ACP3: variants seen among roughly 807,000 people sequenced by gnomAD.
ACP3 encodes prostatic acid phosphatase.
ACP3 carries 38 observed loss-of-function variants against 45.6 expected under a neutral mutation model. The ratio of observed to expected loss-of-function variants is 0.83; its 90% CI spans 0.64 to 1.09. ACP3 has a LOEUF of 1.09. Ranked by LOEUF, ACP3 falls within the 50% of genes least tolerant of loss-of-function variation. ACP3 has a pLI of 0.00. For synonymous variants in ACP3, 162 were observed against 164.7 expected (o/e 0.98, Z 0.13); for missense variants, 466 against 463.2 (o/e 1.01, Z -0.05).
At position 132,328,433 on chromosome 3, in the gene ACP3, C is replaced by T. The variant is rs1041836314; in HGVS notation, c.216+71C>T. The T allele has an allele frequency of 1.2e-5, 16 of 1,324,574 alleles. No homozygotes were observed. The South Asian group carries it at 1.8e-4, about 15-fold the overall frequency. The allele number at this position is 1,324,574 out of a possible 1,614,324, so 82.1% of individuals were successfully genotyped here. A position where few individuals can be genotyped will look rare whatever the true frequency, so the allele number is the denominator to read the frequency against. On this transcript the variant is annotated intron_variant, in intron 2 of 9. Coordinates refer to ENST00000336375, the MANE Select transcript of ACP3 (RefSeq NM_001099.5). ...GTGGCTCACGCCTGTAATCCCAGCA[C>T]TTTGGGAGGCCGAGGCAGGCGGATC...
intron 1 of ACP3, among the ~76,000 whole-genome samples, chr3:132,327,002 G>T (rs1937308916): frequency 6.6e-6 from 1 of 152,188 alleles, no homozygotes; most frequent in Non-Finnish European, 1.5e-5. Flanking sequence ...AAAGCACCAA[G>T]ATTTCAAAAG....
At chr3:132,324,309 C>G (rs1347975827) in intron 1 of ACP3, among the ~76,000 whole-genome samples, 2 of 152,144 alleles carry the variant, frequency 1.3e-5, no homozygotes, top group Non-Finnish European at 2.9e-5. Context: ...TCTCCACACC[C>G]TAAGCCACAT....
In ACP3 at chr3:132,342,637, A is replaced by G. The variant is rs1413468786; in HGVS notation, c.641A>G (p.Tyr214Cys). ...GIWSKVYDPL[Y>C]CESVHNFTLP... ...TGGAGTAAAGTCTACGACCCTTTAT[A>G]TTGTGAGGTAAAAGAAAAAAAAATC... is the stretch of plus-strand genomic sequence containing the variant. Residue 214 changes from tyrosine to cysteine, a missense_variant, in exon 6 of 10, where the codon TAT (tyrosine) becomes TGT (cysteine). Tyr to Cys is a radical substitution (Grantham distance 194, BLOSUM62 -2). Coordinates refer to ENST00000336375, the MANE Select transcript of ACP3 (RefSeq NM_001099.5). The G allele has an allele frequency of 6.3e-7, 1 of 1,587,632 alleles. No individual in the cohort carries two copies. Among genetic ancestry groups the G allele is most frequent in the Non-Finnish European group, 8.5e-7 (1 of 1,169,788 alleles).
At chr3:132,352,232 G>A (rs758290685) in intron 8 of ACP3, among the ~76,000 whole-genome samples, 6 of 151,732 alleles carry the variant, frequency 4.0e-5, no homozygotes, top group South Asian at 2.1e-4. Context: ...ATGGAGTCCC[G>A]CTCTGTCACC....
At chr3:132,319,216 A>G (rs1937161270) in intron 1 of ACP3, among the ~76,000 whole-genome samples, 1 of 152,180 alleles carries the variant, frequency 6.6e-6, no homozygotes, top group Admixed American at 6.5e-5. Context: ...AAGCCAATAA[A>G]CATCAGTTTC....
At chr3:132,364,353 A>C (rs998625171) in intron 10 of ACP3, among the ~76,000 whole-genome samples, 2 of 150,340 alleles carry the variant, frequency 1.3e-5, no homozygotes, top group African/African-American at 5.0e-5. Context: ...ATCTCAAAAA[A>C]CAAAAACAAA....
At chr3:132,317,831 T>G (rs1937137870) in intron 1 of ACP3, among the ~76,000 whole-genome samples, 1 of 152,262 alleles carries the variant, frequency 6.6e-6, no homozygotes, top group Admixed American at 6.5e-5. Context: ...ATTTATTTAC[T>G]TACTTTACAA....
intron 9 of ACP3, among the ~76,000 whole-genome samples, chr3:132,353,295 A>T (rs999526659): frequency 2.6e-5 from 4 of 152,198 alleles, no homozygotes; most frequent in Non-Finnish European, 5.9e-5. Flanking sequence ...AGATGACCAC[A>T]GCTTAGCTTG....
downstream of ACP3, among the ~76,000 whole-genome samples, chr3:132,361,381 A>G (rs73215949): frequency 0.12 from 18,825 of 151,932 alleles, 1,383 homozygotes; most frequent in Non-Finnish European, 0.18. Flanking sequence ...GCTCCGATTC[A>G]CTCCTCACTC....
chr3:132,336,916 A>C (rs1166339309), intron 4 of ACP3, among the ~76,000 whole-genome samples: 1 of 152,226 alleles, frequency 6.6e-6, no homozygotes, highest in Non-Finnish European at 1.5e-5. Context: ...TTGTCCTCAC[A>C]ACAGGTTTTT....
chr3:132,360,612 A>C (rs896656747), downstream of ACP3, among the ~76,000 whole-genome samples: 3 of 152,210 alleles, frequency 2.0e-5, no homozygotes, highest in African/African-American at 7.2e-5. Context: ...GAAAATAATA[A>C]AATTTGTCAA....
intron 5 of ACP3, among the ~76,000 whole-genome samples, chr3:132,338,427 G>A (rs887332120): frequency 2.6e-5 from 4 of 151,636 alleles, no homozygotes; most frequent in Non-Finnish European, 4.4e-5. Flanking sequence ...AGCCCCTATT[G>A]ATAGGAATAT....
chr3:132,327,879 T>C (rs1422662277), intron 1 of ACP3, among the ~76,000 whole-genome samples: 1 of 152,214 alleles, frequency 6.6e-6, no homozygotes, highest in Non-Finnish European at 1.5e-5. Context: ...AAAGTACTCT[T>C]GTCAGCTTTG....
chr3:132,352,673 T>C, intron 8 of ACP3, 47 bp from the exon 9 acceptor site: 3 of 1,341,830 alleles, frequency 2.2e-6, no homozygotes, highest in South Asian at 2.3e-5. Context: ...TCATACCTAT[T>C]GAATGTGAAT....
intron 4 of ACP3, among the ~76,000 whole-genome samples, chr3:132,334,484 T>G (rs1420580558): frequency 6.6e-6 from 1 of 152,184 alleles, no homozygotes; most frequent in African/African-American, 2.4e-5. Flanking sequence ...CATTATAAGA[T>G]GGCGGGCAAT....
chr3:132,346,937 A>G (rs17831335), intron 7 of ACP3, among the ~76,000 whole-genome samples: 72,884 of 152,094 alleles, frequency 0.48, 18,329 homozygotes, highest in Middle Eastern at 0.66. Flanking sequence ...TATACCAGAC[A>G]GGAGTTGACA....
intron 5 of ACP3, 39 bp from the exon 6 acceptor site, chr3:132,342,513 A>T: frequency 7.1e-7 from 1 of 1,400,794 alleles, no homozygotes; most frequent in Non-Finnish European, 1.0e-6. Context: ...AAGCTGAGAA[A>T]CCTGTGTAGG....
At chr3:132,359,505 C>CTAAA (rs151183478), downstream of ACP3, among the ~76,000 whole-genome samples, 492 of 151,472 alleles carry the variant, frequency 3.2e-3, 4 homozygotes, top group African/African-American at 0.01. Flanking sequence ...GAGACTCTGT[C>CTAAA]TAAATAAATA....
intron 8 of ACP3, 51 bp from the exon 9 acceptor site, chr3:132,352,669 C>G: frequency 7.9e-7 from 1 of 1,272,178 alleles, no homozygotes; most frequent in South Asian, 1.2e-5. Context: ...TGCTTCATAC[C>G]TATTGAATGT....
Sources: allele counts gnomAD v4.1 joint callset (sites outside exome capture counted in the v4.1 genomes callset), GRCh38; gene constraint gnomAD v4.1.1; transcripts MANE v1.5; gene names NCBI Gene and HGNC (gene_info 2026-07-23, HGNC 2026-07-21).